TMC1: variants seen among roughly 807,000 people sequenced by gnomAD.
The protein encoded by TMC1 is transmembrane channel-like protein 1.
Under a neutral mutation model 105.8 loss-of-function variants are expected in TMC1, and 84 were observed. The ratio of observed to expected loss-of-function variants is 0.79; its 90% CI spans 0.67 to 0.95. TMC1 has a LOEUF of 0.95. TMC1 is among the 40% of genes least tolerant of loss of function. The pLI is 0.00. For synonymous variants in TMC1, 315 were observed against 311.5 expected (o/e 1.01, Z -0.12); for missense variants, 817 against 914.1 (o/e 0.89, Z 1.37).
chr9:72,793,366 A>AC (rs1828308534), intron 17 of TMC1, among the ~76,000 whole-genome samples: 2 of 152,192 alleles, frequency 1.3e-5, no homozygotes, highest in African/African-American at 4.8e-5. Context: ...CCTCCCTGAG[A>AC]CAGAGCTCCT....
rs140325543 is a variant in TMC1, at chr9:72,794,238, CA to C, written c.1566+1888del. Among the ~76,000 whole-genome samples the C allele has an allele frequency of 4.4e-3, 677 of 152,204 alleles. 3 individuals carry two copies. Among genetic ancestry groups the C allele is most frequent in the African/African-American group, 0.016 (645 of 41,536 alleles). On this transcript the variant is annotated intron_variant, in intron 17 of 23. Coordinates refer to ENST00000297784, the MANE Select transcript of TMC1 (RefSeq NM_138691.3). Reference sequence around the variant, plus strand: ...AAAAGACCCTTGGCCATAACCATGCCAAGGTATCTTCCTCTGCTGCTGCCAA... The same window carrying C: ...AAAAGACCCTTGGCCATAACCATGCCAGGTATCTTCCTCTGCTGCTGCCAA...
chr9:72,599,665 C>T (rs1281690430), intron 2 of TMC1, among the ~76,000 whole-genome samples: 3 of 151,828 alleles, frequency 2.0e-5, no homozygotes, highest in African/African-American at 7.3e-5. Context: ...AAAAAATTAG[C>T]CAGCCGTAGA....
In TMC1 at chr9:72,740,225, G is replaced by C. The variant is rs777928804; in HGVS notation, c.453+16G>C. 1.2e-6 allele frequency: 2 copies of C among 1,608,512 alleles called. 1 individual carries two copies. The highest frequency in any genetic ancestry group is 2.2e-5 in the South Asian group (2 of 90,954). On this transcript the variant is annotated intron_variant, in intron 9 of 23. Coordinates refer to ENST00000297784, the MANE Select transcript of TMC1 (RefSeq NM_138691.3). ...GATGGCCAAGGTAGGTATTTTTATA[G>C]TTGTCTGGTTTATGGCATATTGCCT...
intron 5 of TMC1, among the ~76,000 whole-genome samples, chr9:72,650,790 T>G (rs1238478089): frequency 1.3e-5 from 2 of 150,548 alleles, no homozygotes; most frequent in Non-Finnish European, 3.0e-5. Context: ...CTAAGGATAA[T>G]GTCTTCCAGC....
chr9:72,792,016 G>A lies in TMC1; in HGVS notation c.1355G>A (p.Gly452Asp). ...GGACGCATTTTTGCTCTTCTTTTAG[G>A]CAATTTATACGTATTTATTCTTGCA... is the stretch of plus-strand genomic sequence containing the variant. ...LLGRIFALLL[G>D]NLYVFILALM... is the part of the protein sequence containing the mutation. The change falls in exon 16 of 24, where the codon GGC becomes GAC. Residue 452 changes from glycine (G) to aspartate (D), a missense_variant. By Grantham distance (94) the Gly-to-Asp change is moderately conservative. Transcript: ENST00000297784. 2 of 1,613,964 alleles carry A rather than the reference G, an allele frequency of 1.2e-6. No homozygotes were observed. Among genetic ancestry groups the A allele is most frequent in the East Asian group, 4.5e-5 (2 of 44,872 alleles).
intron 17 of TMC1, among the ~76,000 whole-genome samples, chr9:72,803,791 A>G (rs1828521120): frequency 1.3e-5 from 2 of 152,248 alleles, no homozygotes; most frequent in Non-Finnish European, 2.9e-5. Flanking sequence ...GTGGGAATGT[A>G]AATTAATTCA....
chr9:72,660,037 C>A (rs1470885310), intron 5 of TMC1, among the ~76,000 whole-genome samples: 1 of 152,118 alleles, frequency 6.6e-6, no homozygotes, highest in Non-Finnish European at 1.5e-5. Context: ...GCCTGTCCTT[C>A]TCCTTGAGGA....
chr9:72,697,792 A>G (rs185731762), intron 7 of TMC1, among the ~76,000 whole-genome samples: 1 of 152,250 alleles, frequency 6.6e-6, no homozygotes, highest in Admixed American at 6.5e-5. Flanking sequence ...TGGCAAGTTA[A>G]AGGCTTAACA....
chr9:72,663,861 C>G lies in TMC1; in HGVS notation c.16+15197C>G, dbSNP rs79477145. Among the ~76,000 whole-genome samples, 469 of 152,206 alleles carry G rather than the reference C, an allele frequency of 3.1e-3. 4 individuals are homozygous for G. The highest frequency in any genetic ancestry group is 0.011 in the African/African-American group (452 of 41,516). On this transcript the variant is annotated intron_variant, in intron 5 of 23. Transcript: ENST00000297784. ...AACATATTTTCTTTATATACTTATT[C>G]TATAAGTGCTTTCTATTTTCATTTT...
At chr9:72,550,581 CCAGGAGGCGGAGCTTG>C in intron 1 of TMC1, among the ~76,000 whole-genome samples, 1 of 146,660 alleles carries the variant, frequency 6.8e-6, no homozygotes, top group Non-Finnish European at 1.5e-5. Flanking sequence ...TGGCGTGAAC[CCAGGAGGCGGAGCTTG>C]CAGTGAGCTG....
At chr9:72,603,549 G>GTGT (rs10655236) in intron 2 of TMC1, among the ~76,000 whole-genome samples, 44,976 of 151,198 alleles carry the variant, frequency 0.3, 7,211 homozygotes, top group African/African-American at 0.4. Context: ...GTTTAGTTTA[G>GTGT]TGTTGTTGTT....
At chr9:72,682,530 G>A (rs1031217742) in intron 5 of TMC1, among the ~76,000 whole-genome samples, 76 of 152,228 alleles carry the variant, frequency 5.0e-4, no homozygotes, top group African/African-American at 1.5e-3. Flanking sequence ...CAAATGGCAC[G>A]AGCTTCTTTT....
intron 5 of TMC1, among the ~76,000 whole-genome samples, chr9:72,672,764 G>A (rs1391359889): frequency 1.3e-5 from 2 of 151,618 alleles, no homozygotes; most frequent in Admixed American, 1.3e-4. Flanking sequence ...TGGGGCTCAT[G>A]CCTGTAATTC....
intron 18 of TMC1, among the ~76,000 whole-genome samples, chr9:72,814,878 G>T (rs527607981): frequency 1.3e-5 from 2 of 149,900 alleles, no homozygotes; most frequent in African/African-American, 4.9e-5. Context: ...GAGGAACAGA[G>T]GCTCTCTTGG....
rs57564294 is a variant in TMC1, at chr9:72,814,896, T to TTGTGTGTGTGTG, written c.1696-1207_1696-1196dup. ...GAACAGAGGCTCTCTTGGATCATCT[T>TTGTGTGTGTGTG]TGTGTGTGTGTGTGTGTGTGTGTGT... On this transcript the variant is annotated intron_variant, in intron 18 of 23. Coordinates refer to ENST00000297784, the MANE Select transcript of TMC1 (RefSeq NM_138691.3). Among the ~76,000 whole-genome samples the TTGTGTGTGTGTG allele has an allele frequency of 4.5e-4, 54 of 119,234 alleles. 1 individual carries two copies. The highest frequency in any genetic ancestry group is 1.0e-3 in the South Asian group (3 of 2,950). The allele number at this position is 119,234 out of a possible 152,430, so 78.2% of individuals were successfully genotyped here. A position where few individuals can be genotyped will look rare whatever the true frequency, so the allele number is the denominator to read the frequency against.
intron 13 of TMC1, among the ~76,000 whole-genome samples, chr9:72,776,193 A>G (rs1828002791): frequency 6.6e-6 from 1 of 151,910 alleles, no homozygotes; most frequent in Non-Finnish European, 1.5e-5. Flanking sequence ...GCTATACGTA[A>G]CCCTTAAATG....
chr9:72,630,758 A>G (rs1417575722), intron 4 of TMC1, among the ~76,000 whole-genome samples: 1 of 152,208 alleles, frequency 6.6e-6, no homozygotes, highest in South Asian at 2.1e-4. Context: ...ACTATATACT[A>G]AAGAAAGAAA....
intron 5 of TMC1, chr9:72,655,806 G>C: frequency 1.6e-6 from 1 of 621,432 alleles, no homozygotes; most frequent in Non-Finnish European, 2.9e-6. Context: ...TTTTCAACTG[G>C]TAATTAATTT....
At chr9:72,675,108 C>T (rs1175266746) in intron 5 of TMC1, among the ~76,000 whole-genome samples, 1 of 152,124 alleles carries the variant, frequency 6.6e-6, no homozygotes, top group Non-Finnish European at 1.5e-5. Flanking sequence ...CACATATGCA[C>T]ACATACACAT....
Sources: allele counts gnomAD v4.1 joint callset (sites outside exome capture counted in the v4.1 genomes callset), GRCh38; gene constraint gnomAD v4.1.1; transcripts MANE v1.5; gene names NCBI Gene and HGNC (gene_info 2026-07-23, HGNC 2026-07-21).